The following GPC5 variants were observed in gnomAD, a reference collection of about 807,000 sequenced individuals.
The protein encoded by GPC5 is glypican 5.
In GPC5, 47 loss-of-function variants were observed where a neutral mutation model predicts 53.9. That is an observed-to-expected ratio of 0.87 (90% CI 0.69 to 1.11). The LOEUF (loss-of-function observed/expected upper bound fraction) is 1.11. Among genes scored for constraint, GPC5 ranks in the 50% most tolerant of loss-of-function variants. The pLI, the probability that GPC5 is intolerant of heterozygous loss-of-function variation, is 0.00. For missense variants in GPC5, 748 were observed against 713.1 expected (o/e 1.05, Z -0.56); for synonymous variants, 286 against 263.3 (o/e 1.09, Z -0.84).
At chr13:91,439,272 A>G (rs951444639) in intron 1 of GPC5, among the ~76,000 whole-genome samples, 2 of 152,362 alleles carry the variant, frequency 1.3e-5, no homozygotes, top group African/African-American at 4.8e-5. Flanking sequence ...TGCTAGTGGC[A>G]TCTAATGGGT....
At chr13:91,533,952 A>G (rs1480370887) in intron 2 of GPC5, among the ~76,000 whole-genome samples, 1 of 152,162 alleles carries the variant, frequency 6.6e-6, no homozygotes, top group African/African-American at 2.4e-5. Flanking sequence ...ATTATTTTTA[A>G]TGAAATGAGA....
At chr13:92,115,956 A>G (rs368060525) in intron 6 of GPC5, among the ~76,000 whole-genome samples, 2 of 152,160 alleles carry the variant, frequency 1.3e-5, no homozygotes, top group African/African-American at 4.8e-5. Flanking sequence ...GTGTTCTTAC[A>G]AGAAGAGGAG....
intron 7 of GPC5, among the ~76,000 whole-genome samples, chr13:92,259,408 A>T (rs1017540143): frequency 6.6e-6 from 1 of 152,158 alleles, no homozygotes; most frequent in African/African-American, 2.4e-5. Context: ...TGTTCCTTTA[A>T]AATGTGTTCT....
intron 3 of GPC5, among the ~76,000 whole-genome samples, chr13:91,716,776 C>T (rs936272419): frequency 6.6e-5 from 10 of 152,230 alleles, no homozygotes; most frequent in East Asian, 1.9e-4. Context: ...GGTCTCCATG[C>T]GATCAGAAGG....
At chr13:92,071,102 G>T (rs1441695665) in intron 6 of GPC5, among the ~76,000 whole-genome samples, 1 of 152,028 alleles carries the variant, frequency 6.6e-6, no homozygotes, top group African/African-American at 2.4e-5. Flanking sequence ...CAGGCGTGGT[G>T]GCATGCACCT....
chr13:91,597,241 CTG>C (rs1480348826), intron 2 of GPC5, among the ~76,000 whole-genome samples: 1 of 152,120 alleles, frequency 6.6e-6, no homozygotes, highest in Non-Finnish European at 1.5e-5. Context: ...GATCTAGTGT[CTG>C]TTATTCAATC....
chr13:92,854,253 AAC>A (rs1299953951), intron 7 of GPC5, among the ~76,000 whole-genome samples: 3 of 147,350 alleles, frequency 2.0e-5, no homozygotes, highest in African/African-American at 4.9e-5. Context: ...TAATATATTT[AAC>A]AGTTTATTGA....
rs1876687157 is a variant in GPC5 at position 91,398,957 on chromosome 13, G to C, written c.-90G>C. ...CCGGCTCGCACCGCTCGAGAGCCTC[G>C]GCCGCTGTGTCTTCCACGTCTGCAG... On this transcript the variant is annotated 5_prime_UTR_variant, in exon 1 of 8. Transcript: ENST00000377067. 1 of 1,452,936 alleles carries C rather than the reference G, an allele frequency of 6.9e-7. No individual in the cohort carries two copies. Among genetic ancestry groups the C allele is most frequent in the Non-Finnish European group, 9.1e-7 (1 of 1,094,016 alleles). The allele number at this position is 1,452,936 out of a possible 1,614,324, so 90.0% of individuals were successfully genotyped here.
intron 2 of GPC5, among the ~76,000 whole-genome samples, chr13:91,470,201 A>G (rs973994922): frequency 6.6e-6 from 1 of 152,086 alleles, no homozygotes; most frequent in Non-Finnish European, 1.5e-5. Context: ...CTCATTTCTT[A>G]TTTTGTTAAA....
At chr13:91,924,755 TAAAATAAAATAG>T (rs2039750621) in intron 6 of GPC5, among the ~76,000 whole-genome samples, 1 of 151,420 alleles carries the variant, frequency 6.6e-6, no homozygotes, top group African/African-American at 2.4e-5. Flanking sequence ...ATAATAATCA[TAAAATAAAATAG>T]AAAATAAAAA....
chr13:91,899,410 A>G (rs1443951513), intron 5 of GPC5, among the ~76,000 whole-genome samples: 1 of 152,204 alleles, frequency 6.6e-6, no homozygotes, highest in African/African-American at 2.4e-5. Context: ...TACTTGTGAA[A>G]TATAAATATT....
Position 92,151,375 on chromosome 13 carries a change from T to A in GPC5, c.1561+6386T>A, listed in dbSNP as rs147621559. Among the ~76,000 whole-genome samples, 633 of 152,204 alleles carry A rather than the reference T, an allele frequency of 4.2e-3. 19 individuals are homozygous for A. The highest frequency in any genetic ancestry group is 1.0e-3 in the Non-Finnish European group (68 of 67,952). On this transcript the variant is annotated intron_variant, in intron 7 of 7. Transcript: ENST00000377067. ...CTATTCCTTGGTCCATAGGACCACA[T>A]TATGAAGAGCAAAAATGTACACTTT...
chr13:91,453,783 T>C (rs779865515), intron 2 of GPC5, among the ~76,000 whole-genome samples: 2 of 152,120 alleles, frequency 1.3e-5, no homozygotes, highest in South Asian at 2.1e-4. Flanking sequence ...TCCTCTCTCC[T>C]CCCTCCCTCC....
At chr13:91,946,104 C>T (rs1202159975) in intron 6 of GPC5, among the ~76,000 whole-genome samples, 1 of 152,132 alleles carries the variant, frequency 6.6e-6, no homozygotes, top group Non-Finnish European at 1.5e-5. Context: ...CTCCTACCTT[C>T]TGTTTTTTAT....
At chr13:92,460,822 G>A (rs1878448544) in intron 7 of GPC5, among the ~76,000 whole-genome samples, 1 of 151,408 alleles carries the variant, frequency 6.6e-6, no homozygotes. Context: ...AAGTGTGCTA[G>A]AGCTAGGTAT....
intron 7 of GPC5, among the ~76,000 whole-genome samples, chr13:92,343,866 T>G (rs1216488956): frequency 6.6e-6 from 1 of 152,184 alleles, no homozygotes; most frequent in Non-Finnish European, 1.5e-5. Context: ...TCAAAAAGTT[T>G]TCAGGGCATA....
intron 6 of GPC5, among the ~76,000 whole-genome samples, chr13:92,077,334 A>G (rs1309249684): frequency 6.6e-6 from 1 of 152,174 alleles, no homozygotes; most frequent in Non-Finnish European, 1.5e-5. Flanking sequence ...CTATTGAATG[A>G]ACTGGATTTC....
At chr13:92,148,169 T>C (rs1208645690) in intron 7 of GPC5, among the ~76,000 whole-genome samples, 1 of 152,074 alleles carries the variant, frequency 6.6e-6, no homozygotes, top group African/African-American at 2.4e-5. Flanking sequence ...TATAACTATA[T>C]ATAGTTGTGA....
intron 7 of GPC5, among the ~76,000 whole-genome samples, chr13:92,548,778 T>G (rs1364290184): frequency 6.6e-6 from 1 of 152,168 alleles, no homozygotes; most frequent in Non-Finnish European, 1.5e-5. Flanking sequence ...TTTCTTGGTC[T>G]ACTTTGTTAA....
Sources: gnomAD v4.1 joint callset for allele counts (sites outside exome capture counted in the v4.1 genomes callset) on GRCh38, gnomAD v4.1.1 for gene constraint, MANE v1.5 for transcripts, NCBI Gene and HGNC (gene_info 2026-07-23, HGNC 2026-07-21) for gene names.